DCHS2: variants seen among roughly 807,000 people sequenced by gnomAD.
DCHS2 encodes dachsous cadherin-related 2.
A neutral mutation model predicts 182.4 loss-of-function variants in DCHS2; 142 were observed. The ratio of observed to expected loss-of-function variants is 0.78; its 90% CI spans 0.68 to 0.89. DCHS2 has a LOEUF of 0.89. DCHS2 is among the 40% of genes least tolerant of loss of function. The probability of loss-of-function intolerance (pLI) is 0.00; values close to 1 mark genes in which losing one functional copy is unlikely to be tolerated. For missense variants in DCHS2, 4,319 were observed against 4,198.6 expected, an observed-to-expected ratio of 1.03 and a Z score of -0.79; for synonymous variants, 1,740 against 1,663.3, an observed-to-expected ratio of 1.05 and a Z score of -1.12.
intron 13 of DCHS2, among the ~76,000 whole-genome samples, chr4:154,285,704 C>T (rs891725655): frequency 6.6e-6 from 1 of 152,096 alleles, no homozygotes; most frequent in Non-Finnish European, 1.5e-5. Context: ...GCTTGGGTGC[C>T]AGCTCAGTTG....
chr4:154,301,631 G>A (rs938748351), intron 12 of DCHS2, among the ~76,000 whole-genome samples: 2 of 152,016 alleles, frequency 1.3e-5, no homozygotes, highest in East Asian at 3.9e-4. Flanking sequence ...TCAGCCTCCC[G>A]AGTAGCTGGG....
At chr4:154,250,187 C>A (rs1364414728) in intron 16 of DCHS2, among the ~76,000 whole-genome samples, 1 of 152,048 alleles carries the variant, frequency 6.6e-6, no homozygotes, top group Non-Finnish European at 1.5e-5. Flanking sequence ...TGAGAGATGA[C>A]TGTATTTTTA....
At position 154,315,846 on chromosome 4, in the gene DCHS2, G is replaced by A; in HGVS notation, c.5162C>T (p.Ala1721Val). The A allele has an allele frequency of 6.2e-7, 1 of 1,614,000 alleles. No individual in the cohort carries two copies. Among genetic ancestry groups the A allele is most frequent in the South Asian group, 1.1e-5 (1 of 91,080 alleles). Residue 1721 changes from alanine (A) to valine (V), a missense_variant, in exon 10 of 20, where the codon GCT becomes GTT. Ala to Val is a moderately conservative substitution (Grantham distance 64). Transcript: ENST00000357232. Reference protein sequence around the residue: ...TVTVLDVNDEAPVFKQHLYEA... With the variant: ...TVTVLDVNDEVPVFKQHLYEA... ...ATACAGGTGCTGCTTAAATACTGGA[G>A]CTTCATCATTTACATCAAGAACAGT...
intron 1 of DCHS2, among the ~76,000 whole-genome samples, chr4:154,413,693 C>A (rs1732718112): frequency 2.0e-5 from 3 of 152,152 alleles, no homozygotes; most frequent in Admixed American, 2.0e-4. Flanking sequence ...CCTGCAGAAA[C>A]CCAAGGGCTG....
rs529945584 is a variant in DCHS2 at position 154,399,570 on chromosome 4, G to C, written c.2053-22126C>G. 5.9e-5 allele frequency among the ~76,000 whole-genome samples: 9 copies of C among 152,274 alleles called. No homozygotes were observed. The South Asian group carries it at 8.3e-4, about 14-fold the overall frequency. The stretch of plus-strand genomic sequence containing the variant: ...AAGTGGGAAGGAAAATGAGAACTGC[G>C]AATAATAAAGTAAGTTTCATTGAGT... On this transcript the variant is annotated intron_variant, in intron 1 of 19. Transcript: ENST00000357232.
At chr4:154,417,002 A>G (rs1260801150) in intron 1 of DCHS2, among the ~76,000 whole-genome samples, 2 of 152,082 alleles carry the variant, frequency 1.3e-5, no homozygotes, top group Non-Finnish European at 2.9e-5. Flanking sequence ...TCCCAGCTGC[A>G]GGGATCACGG....
At position 154,305,099 on chromosome 4, in the gene DCHS2, C is replaced by T. The variant is rs750397371; in HGVS notation, c.5393G>A (p.Arg1798Gln). The T allele has an allele frequency of 9.3e-6, 15 of 1,604,612 alleles. No homozygotes were observed. The East Asian group carries it at 1.1e-4, about 12-fold the overall frequency. The change falls in exon 11 of 20, where the codon CGA becomes CAA. Residue 1798 changes from arginine (R) to glutamine (Q), a missense_variant and splice_region_variant. Physicochemically the swap from Arg to Gln is conservative, Grantham distance 43. Transcript: ENST00000357232. ...DREIQEVFTL[R>Q]VLVRDGGFPS... ...AGCCTACTCAAAGAATCCCTTACCT[C>T]GAAGGGTGAAGACTTCTTGAATTTC... is the stretch of plus-strand genomic sequence containing the variant.
At chr4:154,270,452 C>G (rs144580771) in intron 13 of DCHS2, among the ~76,000 whole-genome samples, 8 of 151,784 alleles carry the variant, frequency 5.3e-5, no homozygotes, top group African/African-American at 1.9e-4. Flanking sequence ...AGAGCCACCA[C>G]CACAAAGGCT....
intron 1 of DCHS2, among the ~76,000 whole-genome samples, chr4:154,429,635 T>G (rs772852474): frequency 3.3e-5 from 5 of 152,024 alleles, no homozygotes; most frequent in Non-Finnish European, 7.4e-5. Context: ...ACCCTTATTC[T>G]CATTTTCTAG....
intron 2 of DCHS2, among the ~76,000 whole-genome samples, chr4:154,369,713 T>C (rs895782529): frequency 6.6e-6 from 1 of 152,092 alleles, no homozygotes; most frequent in Non-Finnish European, 1.5e-5. Flanking sequence ...CATGAGTATG[T>C]CTTAATTTTG....
intron 13 of DCHS2, among the ~76,000 whole-genome samples, chr4:154,285,462 C>T (rs1193077828): frequency 3.3e-5 from 5 of 152,182 alleles, no homozygotes; most frequent in African/African-American, 9.7e-5. Flanking sequence ...GGCTCTTGGA[C>T]AGCATTTCTT....
At chr4:154,439,739 T>C (rs142305883) in intron 1 of DCHS2, among the ~76,000 whole-genome samples, 470 of 152,376 alleles carry the variant, frequency 3.1e-3, no homozygotes, top group Middle Eastern at 0.014. Flanking sequence ...ATATGTGCTT[T>C]ATTAACAAAA....
At chr4:154,313,230 C>T (rs372868372) in intron 10 of DCHS2, among the ~76,000 whole-genome samples, 11 of 152,142 alleles carry the variant, frequency 7.2e-5, no homozygotes, top group Non-Finnish European at 1.6e-4. Flanking sequence ...GCTCTTTTTT[C>T]ACTAACAATG....
chr4:154,455,850 G>A (rs1344868664), intron 1 of DCHS2, among the ~76,000 whole-genome samples: 3 of 152,188 alleles, frequency 2.0e-5, no homozygotes, highest in African/African-American at 7.2e-5. Context: ...AGAACTTTGG[G>A]AGGCAGAGGC....
At chr4:154,400,846 T>C (rs989421593) in intron 1 of DCHS2, among the ~76,000 whole-genome samples, 56 of 152,274 alleles carry the variant, frequency 3.7e-4, no homozygotes, top group African/African-American at 1.3e-3. Context: ...GCTCCCAACT[T>C]GGGAACTGCC....
chr4:154,238,360 C>T (rs1731637982), intron 19 of DCHS2, among the ~76,000 whole-genome samples: 1 of 152,140 alleles, frequency 6.6e-6, no homozygotes, highest in African/African-American at 2.4e-5. Context: ...TTTAAATGAA[C>T]TCTCACTTGT....
intron 16 of DCHS2, among the ~76,000 whole-genome samples, chr4:154,251,554 T>A (rs1732360651): frequency 6.6e-6 from 1 of 152,180 alleles, no homozygotes; most frequent in Admixed American, 6.5e-5. Flanking sequence ...GTCTCACTCT[T>A]GTTGCCCAGG....
At chr4:154,407,363 C>T (rs1732445338) in intron 1 of DCHS2, among the ~76,000 whole-genome samples, 1 of 152,140 alleles carries the variant, frequency 6.6e-6, no homozygotes, top group Non-Finnish European at 1.5e-5. Flanking sequence ...ATATCAACCC[C>T]AACTTGCTTA....
intron 16 of DCHS2, among the ~76,000 whole-genome samples, chr4:154,249,902 G>A (rs1732269701): frequency 6.7e-6 from 1 of 149,236 alleles, no homozygotes; most frequent in Non-Finnish European, 1.5e-5. Flanking sequence ...GAGGGGGAGG[G>A]AGGGAGGGTG....
Sources: gnomAD v4.1 joint callset for allele counts (sites outside exome capture counted in the v4.1 genomes callset) on GRCh38, gnomAD v4.1.1 for gene constraint, MANE v1.5 for transcripts, NCBI Gene and HGNC (gene_info 2026-07-23, HGNC 2026-07-21) for gene names.